Variants in KAZN observed in about 807,000 individuals in gnomAD.
KAZN encodes kazrin.
A neutral mutation model predicts 87.4 loss-of-function variants in KAZN; 40 were observed. The observed-to-expected ratio is 0.46, with a 90% CI of 0.36 to 0.60. The LOEUF (loss-of-function observed/expected upper bound fraction) is 0.60. Among genes scored for constraint, KAZN ranks in the 20% least tolerant of loss-of-function variants. The pLI, the probability that KAZN is intolerant of heterozygous loss-of-function variation, is 0.00. For synonymous variants in KAZN, 466 were observed against 458.3 expected, an observed-to-expected ratio of 1.02 and a Z score of -0.22; for missense variants, 898 against 1,073.9, an observed-to-expected ratio of 0.84 and a Z score of 2.29.
chr1:14,521,723 C>T (rs1671601590), intron 2 of KAZN, among the ~76,000 whole-genome samples: 4 of 152,106 alleles, frequency 2.6e-5, no homozygotes, highest in South Asian at 2.1e-4. Flanking sequence ...GTTTTAGAAT[C>T]GTCTCTTTTC....
chr1:14,994,991 A>G (rs1484865946), intron 2 of KAZN, among the ~76,000 whole-genome samples: 1 of 152,240 alleles, frequency 6.6e-6, no homozygotes, highest in Non-Finnish European at 1.5e-5. Flanking sequence ...TGTAGTGCTT[A>G]GCAGCGGGGC....
chr1:14,405,465 G>C (rs957517284), intron 2 of KAZN, among the ~76,000 whole-genome samples: 1 of 152,156 alleles, frequency 6.6e-6, no homozygotes, highest in Admixed American at 6.5e-5. Context: ...TTGTGTTGGA[G>C]AGGAAGCGGG....
chr1:14,887,725 C>T (rs759817726), intron 1 of KAZN, among the ~76,000 whole-genome samples: 13 of 149,334 alleles, frequency 8.7e-5, no homozygotes, highest in Middle Eastern at 3.2e-3. Context: ...TTTTTCAGGA[C>T]GCAGCTACTT....
chr1:14,826,284 T>C (rs550944885), intron 1 of KAZN, among the ~76,000 whole-genome samples: 12 of 152,254 alleles, frequency 7.9e-5, no homozygotes, highest in Non-Finnish European at 1.6e-4. Context: ...GTGCTAATTG[T>C]CTGCGGATGT....
chr1:13,904,187 C>T (rs752606839), intron 1 of KAZN, among the ~76,000 whole-genome samples: 14 of 152,220 alleles, frequency 9.2e-5, no homozygotes, highest in Middle Eastern at 3.4e-3. Flanking sequence ...GAAGGCCGGG[C>T]GAGGAGGTGC....
At chr1:14,424,788 A>G (rs1190906181) in intron 2 of KAZN, among the ~76,000 whole-genome samples, 2 of 152,220 alleles carry the variant, frequency 1.3e-5, no homozygotes, top group African/African-American at 2.4e-5. Context: ...AGCCATTCCT[A>G]TAAAAAGCTC....
intron 1 of KAZN, among the ~76,000 whole-genome samples, chr1:14,656,437 A>G (rs1346197513): frequency 6.6e-6 from 1 of 152,186 alleles, no homozygotes; most frequent in Non-Finnish European, 1.5e-5. Context: ...CAAGATACCA[A>G]CAATTGCCAC....
At chr1:13,951,171 T>A (rs1641331321) in intron 1 of KAZN, among the ~76,000 whole-genome samples, 1 of 152,182 alleles carries the variant, frequency 6.6e-6, no homozygotes, top group Non-Finnish European at 1.5e-5. Context: ...GTGTGCCCAG[T>A]GCACAGTGTT....
intron 1 of KAZN, among the ~76,000 whole-genome samples, chr1:14,740,063 G>A (rs1204877222): frequency 6.6e-6 from 1 of 152,108 alleles, no homozygotes; most frequent in Non-Finnish European, 1.5e-5. Context: ...GTCAACAAGG[G>A]ACCATCTGCC....
intron 1 of KAZN, among the ~76,000 whole-genome samples, chr1:14,789,900 T>C (rs951322102): frequency 6.6e-6 from 1 of 151,206 alleles, no homozygotes; most frequent in Non-Finnish European, 1.5e-5. Context: ...AGATGACATC[T>C]CCTAACCACC....
intron 1 of KAZN, among the ~76,000 whole-genome samples, chr1:14,634,523 A>G (rs1679818265): frequency 6.6e-6 from 1 of 152,236 alleles, no homozygotes; most frequent in Non-Finnish European, 1.5e-5. Flanking sequence ...ATCATTCAAG[A>G]GAATAACAAT....
intron 1 of KAZN, among the ~76,000 whole-genome samples, chr1:14,014,123 C>A (rs985163320): frequency 1.3e-4 from 20 of 152,106 alleles, no homozygotes; most frequent in Non-Finnish European, 2.5e-4. Flanking sequence ...CCACCACCCA[C>A]CATTGATGAT....
intron 2 of KAZN, among the ~76,000 whole-genome samples, chr1:14,551,384 A>C (rs80220271): frequency 0.027 from 4,176 of 152,258 alleles, 177 homozygotes; most frequent in African/African-American, 0.095. Context: ...GGAAGAACCA[A>C]ATTAAACCCC....
chr1:14,468,756 G>C (rs1043387967), intron 2 of KAZN, among the ~76,000 whole-genome samples: 7 of 152,192 alleles, frequency 4.6e-5, no homozygotes, highest in Non-Finnish European at 2.9e-5. Context: ...TCAGTGTCTG[G>C]TTGGTGGTGG....
chr1:14,596,566 A>G (rs1676523818), upstream of KAZN, among the ~76,000 whole-genome samples: 1 of 152,228 alleles, frequency 6.6e-6, no homozygotes, highest in Admixed American at 6.5e-5. Context: ...ATCAGTCAGC[A>G]CAAAGTAACA....
At chr1:14,143,574 AATT>A (rs1376982554) in intron 1 of KAZN, among the ~76,000 whole-genome samples, 1 of 152,174 alleles carries the variant, frequency 6.6e-6, no homozygotes, top group Non-Finnish European at 1.5e-5. Context: ...TTTGTGAAAT[AATT>A]ATGTTGAGTT....
At chr1:13,894,095 C>A (rs1638942116) in intron 1 of KAZN, among the ~76,000 whole-genome samples, 1 of 152,076 alleles carries the variant, frequency 6.6e-6, no homozygotes, top group African/African-American at 2.4e-5. Flanking sequence ...ATGCTGTGGC[C>A]ATCTTTTGAG....
At chr1:14,674,010 C>A (rs918415670) in intron 1 of KAZN, among the ~76,000 whole-genome samples, 4 of 152,108 alleles carry the variant, frequency 2.6e-5, no homozygotes, top group African/African-American at 9.7e-5. Context: ...TTTGTAAGCA[C>A]GTTGAAATTC....
intron 1 of KAZN, among the ~76,000 whole-genome samples, chr1:14,959,118 G>A (rs1240098228): frequency 7.9e-5 from 12 of 152,316 alleles, no homozygotes; most frequent in Non-Finnish European, 1.2e-4. Flanking sequence ...GCAGGGAGGC[G>A]GGGCAGAGTT....
Sources: gnomAD v4.1 joint callset for allele counts (sites outside exome capture counted in the v4.1 genomes callset) on GRCh38, gnomAD v4.1.1 for gene constraint, MANE v1.5 for transcripts, NCBI Gene and HGNC (gene_info 2026-07-23, HGNC 2026-07-21) for gene names.